CAMK4: variants seen among roughly 807,000 people sequenced by gnomAD.
CAMK4 encodes the protein calcium/calmodulin dependent protein kinase IV.
A neutral mutation model predicts 44.9 loss-of-function variants in CAMK4; 22 were observed. The ratio of observed to expected loss-of-function variants is 0.49; its 90% CI spans 0.35 to 0.70. The LOEUF (loss-of-function observed/expected upper bound fraction) is 0.70, where lower values mean the gene tolerates loss of function less well. Ranked by LOEUF, CAMK4 falls within the 30% of genes least tolerant of loss-of-function variation. The pLI is 0.01. For synonymous variants in CAMK4, 218 were observed against 215.4 expected, an observed-to-expected ratio of 1.01 and a Z score of -0.11; for missense variants, 498 against 586.8, an observed-to-expected ratio of 0.85 and a Z score of 1.56.
At chr5:111,252,451 C>T (rs574328631) in intron 1 of CAMK4, among the ~76,000 whole-genome samples, 1 of 152,254 alleles carries the variant, frequency 6.6e-6, no homozygotes, top group East Asian at 1.9e-4. Flanking sequence ...CATTTTCTTA[C>T]ATATTTTCTA....
chr5:111,425,897 T>A (rs60523563), intron 5 of CAMK4, among the ~76,000 whole-genome samples: 3,913 of 152,308 alleles, frequency 0.026, 172 homozygotes, highest in African/African-American at 0.089. Context: ...AAGGAATAGA[T>A]ACTTTTTTTA....
At chr5:111,407,662 A>C (rs1421088260) in intron 5 of CAMK4, among the ~76,000 whole-genome samples, 1 of 152,218 alleles carries the variant, frequency 6.6e-6, no homozygotes, top group African/African-American at 2.4e-5. Context: ...TTTGGCCTGT[A>C]TGTATTCTGT....
intron 5 of CAMK4, among the ~76,000 whole-genome samples, chr5:111,440,226 A>G (rs1753777415): frequency 1.3e-5 from 2 of 152,130 alleles, no homozygotes; most frequent in African/African-American, 2.4e-5. Flanking sequence ...ATGGACCTTG[A>G]CTCAGGAGTC....
chr5:111,331,988 C>G (rs1749185271), intron 1 of CAMK4, among the ~76,000 whole-genome samples: 1 of 151,652 alleles, frequency 6.6e-6, no homozygotes, highest in African/African-American at 2.4e-5. Flanking sequence ...TTGATGAAAT[C>G]TAACTCCGTT....
rs1750504144 is a variant in CAMK4 at position 111,359,250 on chromosome 5, GT to G, written c.240+15149del. On this transcript the variant is annotated intron_variant, in intron 2 of 10. Coordinates refer to ENST00000282356, the MANE Select transcript of CAMK4 (RefSeq NM_001744.6). ...GCATCTGTGATTTTTTTGACTAATA[GT>G]AACCATTGTGACTGGTGTGAGATGG... Among the ~76,000 whole-genome samples the G allele has an allele frequency of 1.8e-3, 6 of 3,260 alleles. 2 individuals are homozygous for G. The highest frequency in any genetic ancestry group is 2.4e-3 in the Non-Finnish European group (2 of 822). The allele number at this position is 3,260 out of a possible 152,430, so 2.1% of individuals were successfully genotyped here. A position where few individuals can be genotyped will look rare whatever the true frequency, so the allele number is the denominator to read the frequency against.
chr5:111,292,799 T>C (rs1747327863), intron 1 of CAMK4, among the ~76,000 whole-genome samples: 1 of 151,924 alleles, frequency 6.6e-6, no homozygotes, highest in Admixed American at 6.6e-5. Flanking sequence ...GGTGTGGTGG[T>C]GCACACCTGT....
At chr5:111,371,606 C>A (rs1310026420) in intron 2 of CAMK4, among the ~76,000 whole-genome samples, 2 of 152,164 alleles carry the variant, frequency 1.3e-5, no homozygotes, top group Admixed American at 6.5e-5. Flanking sequence ...GTGTACTGTG[C>A]ATTCATTACA....
rs958333650 is a variant in CAMK4, at chr5:111,224,454, G to A, written c.-30G>A. 3.2e-6 allele frequency: 5 copies of A among 1,559,326 alleles called. No individual in the cohort carries two copies. Among genetic ancestry groups the A allele is most frequent in the Non-Finnish European group, 3.5e-6 (4 of 1,157,150 alleles). ...TCGCTCGGGCAGCGGCGGCGGCGGCGGCGGCGGCTTCCGGAGTCCCGCTGC... is the reference window on the plus strand; with the variant it reads ...TCGCTCGGGCAGCGGCGGCGGCGGCAGCGGCGGCTTCCGGAGTCCCGCTGC... On this transcript the variant is annotated 5_prime_UTR_variant, in exon 1 of 11. Transcript: ENST00000282356. The surrounding 1 kb of genome is among the most constrained non-coding windows in gnomAD (Gnocchi z 5.7).
intron 1 of CAMK4, among the ~76,000 whole-genome samples, chr5:111,239,432 G>A (rs2112514529): frequency 6.6e-6 from 1 of 152,180 alleles, no homozygotes; most frequent in South Asian, 2.1e-4. Flanking sequence ...TCAGGTTAAT[G>A]AATAGCTAAC....
intron 1 of CAMK4, among the ~76,000 whole-genome samples, chr5:111,272,025 G>T (rs1049707815): frequency 2.0e-5 from 3 of 152,066 alleles, no homozygotes; most frequent in African/African-American, 7.2e-5. Context: ...CCCTTAGAGA[G>T]CATGGAATAT....
chr5:111,351,247 A>G (rs992179106), intron 2 of CAMK4, among the ~76,000 whole-genome samples: 1 of 152,124 alleles, frequency 6.6e-6, no homozygotes, highest in Non-Finnish European at 1.5e-5. Flanking sequence ...ATAGAGAACT[A>G]TGTTTGAATC....
chr5:111,417,876 T>G (rs1321195272), intron 5 of CAMK4, among the ~76,000 whole-genome samples: 1 of 152,236 alleles, frequency 6.6e-6, no homozygotes, highest in Non-Finnish European at 1.5e-5. Flanking sequence ...CCTGGTGATA[T>G]ATTTTTGTAT....
chr5:111,427,912 G>A (rs892618751), intron 5 of CAMK4, among the ~76,000 whole-genome samples: 1 of 152,278 alleles, frequency 6.6e-6, no homozygotes, highest in Admixed American at 6.5e-5. Context: ...CCAGAGTGTA[G>A]TTATAGCAGG....
At chr5:111,361,520 CT>C (rs1192765213) in intron 2 of CAMK4, among the ~76,000 whole-genome samples, 1 of 151,938 alleles carries the variant, frequency 6.6e-6, no homozygotes, top group Non-Finnish European at 1.5e-5. Context: ...ACCAAAATTA[CT>C]GTCTTTACCA....
intron 2 of CAMK4, among the ~76,000 whole-genome samples, chr5:111,359,671 G>A (rs1183315868): frequency 6.6e-6 from 1 of 152,078 alleles, no homozygotes. Context: ...CCTATGTCCA[G>A]AATGGTATTG....
intron 4 of CAMK4, among the ~76,000 whole-genome samples, chr5:111,393,885 T>A (rs1751901357): frequency 6.6e-6 from 1 of 151,626 alleles, no homozygotes; most frequent in Admixed American, 6.6e-5. Flanking sequence ...TTTTTTTTTT[T>A]TTTTAAAGAA....
chr5:111,423,735 G>C (rs1396189993), intron 5 of CAMK4, among the ~76,000 whole-genome samples: 1 of 152,162 alleles, frequency 6.6e-6, no homozygotes, highest in Non-Finnish European at 1.5e-5. Context: ...GGCCAGTTAG[G>C]AAAGGGGCTA....
At chr5:111,280,972 G>A (rs1339046158) in intron 1 of CAMK4, among the ~76,000 whole-genome samples, 2 of 152,210 alleles carry the variant, frequency 1.3e-5, no homozygotes, top group Admixed American at 6.5e-5. Context: ...GAGTTTCTGG[G>A]TGTGATTTGG....
intron 1 of CAMK4, among the ~76,000 whole-genome samples, chr5:111,328,620 A>G (rs1371308144): frequency 2.0e-5 from 3 of 151,954 alleles, no homozygotes; most frequent in Non-Finnish European, 4.4e-5. Flanking sequence ...CATTTTCACG[A>G]TATTGATTCT....
Sources: gnomAD v4.1 joint callset for allele counts (sites outside exome capture counted in the v4.1 genomes callset) on GRCh38, gnomAD v4.1.1 for gene constraint, Gnocchi (gnomAD v3.1) non-coding constraint, MANE v1.5 for transcripts, NCBI Gene and HGNC (gene_info 2026-07-23, HGNC 2026-07-21) for gene names.